The following CACNA1D variants were observed in gnomAD, a reference collection of about 807,000 sequenced individuals.
CACNA1D encodes calcium voltage-gated channel subunit alpha1 D, also known as voltage-dependent L-type calcium channel subunit alpha-1D.
CACNA1D carries 55 observed loss-of-function variants against 257.1 expected under a neutral mutation model. The ratio of observed to expected loss-of-function variants is 0.21; its 90% CI spans 0.17 to 0.27. The LOEUF (loss-of-function observed/expected upper bound fraction) is 0.27, where lower values mean the gene tolerates loss of function less well. Ranked by LOEUF, CACNA1D falls within the 10% of genes least tolerant of loss-of-function variation. The probability of loss-of-function intolerance (pLI) is 1.00; values close to 1 mark genes in which losing one functional copy is unlikely to be tolerated. For missense variants in CACNA1D, 1,876 were observed against 2,784.0 expected, an observed-to-expected ratio of 0.67 and a Z score of 7.34; for synonymous variants, 980 against 1,014.9, an observed-to-expected ratio of 0.97 and a Z score of 0.65.
chr3:53,699,866 C>T (rs1166233024), intron 8 of CACNA1D, among the ~76,000 whole-genome samples: 1 of 151,982 alleles, frequency 6.6e-6, no homozygotes, highest in Admixed American at 6.6e-5. Context: ...TAGAGTTTTA[C>T]TTATGCCTGC....
At chr3:53,590,537 C>T (rs2093288617) in intron 3 of CACNA1D, among the ~76,000 whole-genome samples, 1 of 152,240 alleles carries the variant, frequency 6.6e-6, no homozygotes, top group Non-Finnish European at 1.5e-5. Context: ...CAGACTGTCT[C>T]CTATAGTCAG....
intron 3 of CACNA1D, among the ~76,000 whole-genome samples, chr3:53,554,976 A>G (rs902085869): frequency 2.6e-5 from 4 of 152,226 alleles, no homozygotes; most frequent in Non-Finnish European, 5.9e-5. Context: ...CCCTTTTCAA[A>G]TTTGCATTGT....
In CACNA1D at chr3:53,800,498, A is replaced by G. The variant is rs1357287060; in HGVS notation, c.5040+133A>G. 7.8e-6 allele frequency: 6 copies of G among 766,876 alleles called. No individual in the cohort carries two copies. In the East Asian group the frequency reaches 1.5e-4, roughly 19 times the overall value. The allele number at this position is 766,876 out of a possible 1,614,324, so 47.5% of individuals were successfully genotyped here. On this transcript the variant is annotated intron_variant, in intron 41 of 47. Coordinates refer to ENST00000350061, the MANE Select transcript of CACNA1D (RefSeq NM_001128840.3). This position sits in a 1 kb window ranked among gnomAD's most constrained non-coding sequence, Gnocchi z 4.3. Reference sequence around the variant, plus strand: ...CCCCAGGGCCTAGAGGGGCTTTCAGACCACACCCTCCCCCTCTTACAGACC... The same window carrying G: ...CCCCAGGGCCTAGAGGGGCTTTCAGGCCACACCCTCCCCCTCTTACAGACC...
At chr3:53,632,201 G>A (rs373034817) in intron 3 of CACNA1D, among the ~76,000 whole-genome samples, 11 of 152,334 alleles carry the variant, frequency 7.2e-5, no homozygotes, top group East Asian at 5.8e-4. Flanking sequence ...ATCTTAGATC[G>A]TCTGGAGAAC....
chr3:53,722,441 T>G lies in CACNA1D; in HGVS notation c.1633T>G (p.Tyr545Asp), dbSNP rs2094891960. ...LNTLTISSEH[Y>D]NQPDWLTQIQ... is the part of the protein sequence containing the mutation. ...CACCTTAACCATTTCCTCTGAGCAC[T>G]ACAATCAGCCAGATTGGTTGACACA... Residue 545 changes from tyrosine to aspartate, a missense_variant, in exon 12 of 48, where the codon TAC (tyrosine) becomes GAC (aspartate). Tyr to Asp is a radical substitution (Grantham distance 160, BLOSUM62 -3). Coordinates refer to ENST00000350061, the MANE Select transcript of CACNA1D (RefSeq NM_001128840.3). 6.2e-7 allele frequency: 1 copy of G among 1,614,112 alleles called. No homozygotes were observed. The highest frequency in any genetic ancestry group is 8.5e-7 in the Non-Finnish European group (1 of 1,180,046).
chr3:53,511,398 C>T (rs534006462), intron 3 of CACNA1D, among the ~76,000 whole-genome samples: 5 of 152,194 alleles, frequency 3.3e-5, no homozygotes, highest in East Asian at 1.9e-4. Context: ...TTTATCCTTT[C>T]GACAAAGGGA....
intron 46 of CACNA1D, chr3:53,809,040 C>T (rs982178469): frequency 2.2e-5 from 11 of 491,498 alleles, no homozygotes; most frequent in Non-Finnish European, 4.1e-5. Context: ...CCTGCGATCC[C>T]CACCACCTCT....
chr3:53,511,885 A>T (rs897416296), intron 3 of CACNA1D, among the ~76,000 whole-genome samples: 1 of 152,238 alleles, frequency 6.6e-6, no homozygotes, highest in Non-Finnish European at 1.5e-5. Flanking sequence ...CCGTAAAACC[A>T]TATTTGAATA....
At chr3:53,758,275 C>G (rs1286344682) in intron 29 of CACNA1D, among the ~76,000 whole-genome samples, 1 of 152,184 alleles carries the variant, frequency 6.6e-6, no homozygotes, top group Non-Finnish European at 1.5e-5. Flanking sequence ...GGGTCAAATG[C>G]TACCCAAATA....
At chr3:53,601,623 G>A (rs959541147) in intron 3 of CACNA1D, among the ~76,000 whole-genome samples, 3 of 152,210 alleles carry the variant, frequency 2.0e-5, no homozygotes, top group Admixed American at 6.5e-5. Context: ...TGTAGAAAAC[G>A]TATGTAAATC....
At chr3:53,636,249 A>C (rs184347452) in intron 3 of CACNA1D, among the ~76,000 whole-genome samples, 5 of 152,284 alleles carry the variant, frequency 3.3e-5, no homozygotes, top group Non-Finnish European at 7.3e-5. Flanking sequence ...TAATAAATAC[A>C]TTGTAACTCT....
chr3:53,799,631 A>C (rs1044156189), intron 40 of CACNA1D, among the ~76,000 whole-genome samples: 9 of 152,214 alleles, frequency 5.9e-5, no homozygotes, highest in Admixed American at 5.2e-4. Flanking sequence ...GGGTATCCTG[A>C]TGACCACGGT....
chr3:53,590,846 G>A (rs926504221), intron 3 of CACNA1D, among the ~76,000 whole-genome samples: 4 of 152,216 alleles, frequency 2.6e-5, no homozygotes, highest in African/African-American at 9.6e-5. Flanking sequence ...CTGAGCACTT[G>A]GTGAGCATCC....
intron 14 of CACNA1D, among the ~76,000 whole-genome samples, chr3:53,724,263 A>C (rs942718798): frequency 2.6e-5 from 4 of 152,220 alleles, no homozygotes; most frequent in African/African-American, 9.6e-5. Context: ...TTTCACACTC[A>C]AGCTCTTCCA....
At chr3:53,772,391 T>A (rs910118068) in intron 32 of CACNA1D, among the ~76,000 whole-genome samples, 1 of 152,198 alleles carries the variant, frequency 6.6e-6, no homozygotes, top group African/African-American at 2.4e-5. Context: ...CATAAAGATA[T>A]TCCTTTGCGA....
At chr3:53,653,883 CA>C (rs1321869138) in intron 4 of CACNA1D, among the ~76,000 whole-genome samples, 1 of 142,494 alleles carries the variant, frequency 7.0e-6, no homozygotes, top group Non-Finnish European at 1.5e-5. Flanking sequence ...CCACATCAAG[CA>C]CATCATAATT....
chr3:53,564,320 C>T (rs2092795053), intron 3 of CACNA1D, among the ~76,000 whole-genome samples: 1 of 152,120 alleles, frequency 6.6e-6, no homozygotes, highest in Non-Finnish European at 1.5e-5. Context: ...GCCACCATAC[C>T]TGGCTAATTT....
chr3:53,650,065 A>T (rs529868901), intron 3 of CACNA1D, among the ~76,000 whole-genome samples: 1 of 152,212 alleles, frequency 6.6e-6, no homozygotes. Context: ...TGGGATGGAT[A>T]CTAGAGGAAA....
intron 3 of CACNA1D, among the ~76,000 whole-genome samples, chr3:53,649,536 C>T (rs2094065144): frequency 6.6e-6 from 1 of 152,116 alleles, no homozygotes; most frequent in Admixed American, 6.5e-5. Context: ...CACCTCCCCC[C>T]CACACCAACA....
Sources: allele counts gnomAD v4.1 joint callset (sites outside exome capture counted in the v4.1 genomes callset), GRCh38; gene constraint gnomAD v4.1.1; non-coding constraint Gnocchi (gnomAD v3.1); transcripts MANE v1.5; gene names NCBI Gene and HGNC (gene_info 2026-07-23, HGNC 2026-07-21).